BRF1: variants seen among roughly 807,000 people sequenced by gnomAD.
The protein encoded by BRF1 is BRF1 general transcription factor IIIB subunit.
A neutral mutation model predicts 81.7 loss-of-function variants in BRF1; 59 were observed. That is an observed-to-expected ratio of 0.72 (90% CI 0.59 to 0.90). The LOEUF (loss-of-function observed/expected upper bound fraction) is 0.90. Among genes scored for constraint, BRF1 ranks in the 40% least tolerant of loss-of-function variants. The pLI is 0.00. For missense variants in BRF1, 1,050 were observed against 936.3 expected (o/e 1.12, Z -1.58); for synonymous variants, 491 against 395.6 (o/e 1.24, Z -2.86).
In BRF1 at chr14:105,211,234, C is replaced by T. The variant is rs1314604781; in HGVS notation, c.1884G>A (p.Leu628=). The T allele has an allele frequency of 1.2e-6, 2 of 1,610,450 alleles. No individual in the cohort carries two copies. The highest frequency in any genetic ancestry group is 1.7e-5 in the Admixed American group (1 of 59,944). Residue 628 remains leucine, a synonymous_variant, in exon 17 of 18, where the codon CTG becomes CTA. Transcript: ENST00000547530. ...GAEPARPQAV[L]VESGPVSYHA... ...GGTATGACACGGGCCCGCTCTCCAC[C>T]AGCACCGCCTGGGGCCTGGCAGGCT...
At chr14:105,226,323 G>A (rs200313490) in intron 8 of BRF1, 33 bp from the exon 9 acceptor site, 7 of 1,613,856 alleles carry the variant, frequency 4.3e-6, no homozygotes, top group Non-Finnish European at 4.2e-6. Flanking sequence ...GCTTCGTGAA[G>A]GGAGGCCCTG....
intron 1 of BRF1, among the ~76,000 whole-genome samples, chr14:105,298,953 G>A (rs2057859365): frequency 1.3e-5 from 2 of 151,294 alleles, no homozygotes; most frequent in South Asian, 2.1e-4. Flanking sequence ...GGCGGATCAC[G>A]AGGTCAGGAG....
chr14:105,211,958 C>T lies in BRF1; in HGVS notation c.1824+155G>A, dbSNP rs149606273. On this transcript the variant is annotated intron_variant, in intron 16 of 17. Transcript: ENST00000547530. Reference sequence around the variant, plus strand: ...ACCGGGAGCTCCCACCCTCGGGCCTCGATTCTCTGGCCATGCCAGGCAAGT... The same window carrying T: ...ACCGGGAGCTCCCACCCTCGGGCCTTGATTCTCTGGCCATGCCAGGCAAGT... The T allele has an allele frequency of 9.4e-4, 1,095 of 1,169,364 alleles. 7 individuals are homozygous for T. In the African/African-American group the frequency reaches 0.015, roughly 16 times the overall value. The allele number at this position is 1,169,364 out of a possible 1,614,324, so 72.4% of individuals were successfully genotyped here. A position where few individuals can be genotyped will look rare whatever the true frequency, so the allele number is the denominator to read the frequency against.
At chr14:105,222,682 G>A (rs1455248014) in intron 10 of BRF1, 2 of 151,682 alleles carry the variant, frequency 1.3e-5, no homozygotes, top group Non-Finnish European at 2.9e-5. Flanking sequence ...AGGCTGGAGT[G>A]CAGTGACGCG....
chr14:105,226,170 A>C lies in BRF1; in HGVS notation c.956-9T>G. ...GTAACTGGATATTTCACCTGAAGTC[A>C]TAAGTTAAAAGCAAAAAGTCAGCAT... On this transcript the variant is annotated splice_polypyrimidine_tract_variant and intron_variant, in intron 9 of 17. Coordinates refer to ENST00000547530, the MANE Select transcript of BRF1 (RefSeq NM_001519.4). 1 of 1,614,038 alleles carries C rather than the reference A, an allele frequency of 6.2e-7. No homozygotes were observed. The highest frequency in any genetic ancestry group is 8.5e-7 in the Non-Finnish European group (1 of 1,180,014).
At chr14:105,249,733 A>C in intron 5 of BRF1, 1 of 1,613,916 alleles carries the variant, frequency 6.2e-7, no homozygotes, top group Non-Finnish European at 8.5e-7. Context: ...CATTGGCAAA[A>C]GCCTGTGTCA....
At chr14:105,229,264 A>G (rs1029629781) in intron 6 of BRF1, among the ~76,000 whole-genome samples, 4 of 152,256 alleles carry the variant, frequency 2.6e-5, no homozygotes, top group Non-Finnish European at 5.9e-5. Flanking sequence ...ATGCGGAGCC[A>G]GGCTGGGCAG....
At chr14:105,288,535 G>T (rs2140489794) in intron 1 of BRF1, among the ~76,000 whole-genome samples, 1 of 151,522 alleles carries the variant, frequency 6.6e-6, no homozygotes, top group East Asian at 2.0e-4. Flanking sequence ...CACACCTGTG[G>T]TCCCAACACT....
chr14:105,249,148 C>A, intron 5 of BRF1: 1 of 1,566,996 alleles, frequency 6.4e-7, no homozygotes, highest in Non-Finnish European at 8.6e-7. Flanking sequence ...CGTGCCTCTA[C>A]CTTTGCAGGA....
At chr14:105,310,336 C>T (rs1209284120) in intron 1 of BRF1, among the ~76,000 whole-genome samples, 2 of 151,240 alleles carry the variant, frequency 1.3e-5, no homozygotes, top group African/African-American at 2.4e-5. Context: ...CAAGACCATC[C>T]TGGCTAACAC....
At chr14:105,257,927 G>A (rs8007434) in intron 3 of BRF1, among the ~76,000 whole-genome samples, 1 of 152,172 alleles carries the variant, frequency 6.6e-6, no homozygotes, top group Non-Finnish European at 1.5e-5. Flanking sequence ...GTTCCAGGAC[G>A]CTGCAGCTCT....
intron 15 of BRF1, chr14:105,217,248 G>T: frequency 1.9e-6 from 1 of 524,270 alleles, no homozygotes. Flanking sequence ...GCTGGAGAAG[G>T]CACCGACCCC....
chr14:105,229,743 G>A (rs1368143724), intron 6 of BRF1, among the ~76,000 whole-genome samples: 1 of 18,162 alleles, frequency 5.5e-5, no homozygotes, highest in African/African-American at 1.9e-4. Context: ...CCCAGCTGGG[G>A]GCGGGGGACA....
chr14:105,224,455 A>G (rs1018684574), intron 10 of BRF1, among the ~76,000 whole-genome samples: 1 of 152,178 alleles, frequency 6.6e-6, no homozygotes, highest in African/African-American at 2.4e-5. Context: ...TGCAATCCTC[A>G]AGCTTGACCC....
chr14:105,273,786 A>G (rs998756545), intron 2 of BRF1, among the ~76,000 whole-genome samples: 14 of 152,256 alleles, frequency 9.2e-5, no homozygotes, highest in Non-Finnish European at 2.1e-4. Context: ...AGCTGCAGGG[A>G]CCTCTGCCCT....
At position 105,219,039 on chromosome 14, in the gene BRF1, T is replaced by C. The variant is rs1340049804; in HGVS notation, c.1474A>G (p.Ile492Val). ...LREQREKEAR[I>V]AKEKELGIYK... ...ATGCCGAGCTCCTTCTCTTTCGCTA[T>C]TCTTGCTTCTTTTTCTAAAAGTTCA... Residue 492 changes from isoleucine to valine, a missense_variant, in exon 14 of 18, where the codon ATA becomes GTA. Around this residue, in one of 2 missense-constraint regions of BRF1, gnomAD observed 1,043 missense variants for 915.4 expected, o/e 1.14. Coordinates refer to ENST00000547530, the MANE Select transcript of BRF1 (RefSeq NM_001519.4). 5 of 1,613,808 alleles carry C rather than the reference T, an allele frequency of 3.1e-6. No homozygotes were observed. The African/African-American group carries it at 5.3e-5, about 17-fold the overall frequency.
intron 12 of BRF1, chr14:105,219,712 G>A (rs893548205): frequency 2.4e-5 from 10 of 423,960 alleles, no homozygotes; most frequent in African/African-American, 1.6e-4. Context: ...CTGGGGTTTG[G>A]GGGCGCACAG....
intron 6 of BRF1, 71 bp from the exon 7 acceptor site, chr14:105,228,984 C>A (rs1272726752): frequency 1.4e-6 from 2 of 1,383,402 alleles, no homozygotes; most frequent in African/African-American, 1.4e-5. Context: ...CGGCCCAGGA[C>A]AACACTGCGG....
At chr14:105,226,868 G>A in intron 7 of BRF1, 108 bp from the exon 8 acceptor site, 2 of 1,554,432 alleles carry the variant, frequency 1.3e-6, no homozygotes, top group Non-Finnish European at 1.7e-6. Context: ...CAGTGCTTTG[G>A]GAGCCCAAGG....
Sources: allele counts gnomAD v4.1 joint callset (sites outside exome capture counted in the v4.1 genomes callset), GRCh38; gene constraint gnomAD v4.1.1; regional missense constraint gnomAD v4.1.1; transcripts MANE v1.5; gene names NCBI Gene and HGNC (gene_info 2026-07-23, HGNC 2026-07-21).